Variants in CSMD3 observed in about 807,000 individuals in gnomAD.
The protein encoded by CSMD3 is CUB and sushi domain-containing protein 3.
In CSMD3, 177 loss-of-function variants were observed where a neutral mutation model predicts 435.2. The ratio of observed to expected loss-of-function variants is 0.41; its 90% confidence interval spans 0.36 to 0.46. The LOEUF is 0.46. CSMD3 is among the 20% of genes least tolerant of loss of function. CSMD3 has a pLI of 0.34. For synonymous variants in CSMD3, 1,656 were observed against 1,520.5 expected (o/e 1.09, Z -2.07); for missense variants, 4,265 against 4,504.6 (o/e 0.95, Z 1.52).
At chr8:112,520,265 C>A (rs899411224) in intron 27 of CSMD3, among the ~76,000 whole-genome samples, 1 of 152,042 alleles carries the variant, frequency 6.6e-6, no homozygotes, top group African/African-American at 2.4e-5. Flanking sequence ...ACTTGACTAG[C>A]AGCTCAGTTT....
intron 32 of CSMD3, among the ~76,000 whole-genome samples, chr8:112,439,862 TCC>T (rs75592155): frequency 6.7e-6 from 1 of 150,182 alleles, no homozygotes. Flanking sequence ...TGCCACTAGG[TCC>T]CCCCCCGCCA....
chr8:112,573,704 C>A (rs374220485), intron 23 of CSMD3, 47 bp from the exon 24 acceptor site: 23 of 1,330,936 alleles, frequency 1.7e-5, no homozygotes, highest in East Asian at 5.0e-5. Context: ...CAATAATAAT[C>A]AATTCAGAGC....
intron 3 of CSMD3, among the ~76,000 whole-genome samples, chr8:113,226,422 C>G (rs1030260866): frequency 4.6e-5 from 7 of 151,524 alleles, no homozygotes; most frequent in African/African-American, 1.7e-4. Flanking sequence ...ATACTGCAAT[C>G]CTATCCTTGC....
intron 3 of CSMD3, among the ~76,000 whole-genome samples, chr8:113,212,896 T>C (rs995928105): frequency 7.1e-6 from 1 of 140,750 alleles, no homozygotes; most frequent in African/African-American, 2.8e-5. Flanking sequence ...ATAAAAAATA[T>C]ATATATATAT....
intron 22 of CSMD3, among the ~76,000 whole-genome samples, chr8:112,613,504 A>G (rs1308706268): frequency 6.6e-6 from 1 of 152,198 alleles, no homozygotes; most frequent in Non-Finnish European, 1.5e-5. Context: ...TAATAATCAC[A>G]TAATTTCAAA....
chr8:112,626,776 C>A (rs1438665172), intron 22 of CSMD3, among the ~76,000 whole-genome samples: 1 of 152,078 alleles, frequency 6.6e-6, no homozygotes, highest in African/African-American at 2.4e-5. Flanking sequence ...TCCTGAGAAC[C>A]ACATATGTCA....
intron 5 of CSMD3, among the ~76,000 whole-genome samples, chr8:113,036,875 C>T (rs2087376065): frequency 6.6e-6 from 1 of 152,032 alleles, no homozygotes; most frequent in Non-Finnish European, 1.5e-5. Context: ...CACTTCTTTA[C>T]ATAAAGTCTT....
rs1392783226 is a variant in CSMD3 at position 112,319,991 on chromosome 8, TAAAC to T, written c.7166-14_7166-11del. 2 of 1,591,604 alleles carry T rather than the reference TAAAC, an allele frequency of 1.3e-6. No individual in the cohort carries two copies. Among genetic ancestry groups the T allele is most frequent in the Non-Finnish European group, 1.7e-6 (2 of 1,159,800 alleles). The stretch of plus-strand genomic sequence containing the variant: ...ACCCTTAGTTGATAGGCTACAAAAA[TAAAC>T]AAAGTGTTTATTCCTTTTCTGTGCA... On this transcript the variant is annotated splice_polypyrimidine_tract_variant and intron_variant, in intron 45 of 70. Coordinates refer to ENST00000297405, the MANE Select transcript of CSMD3 (RefSeq NM_198123.2).
intron 5 of CSMD3, among the ~76,000 whole-genome samples, chr8:113,020,983 C>T (rs928758183): frequency 2.6e-5 from 4 of 152,150 alleles, no homozygotes; most frequent in Non-Finnish European, 5.9e-5. Flanking sequence ...TGACCACCTG[C>T]CCATTAAAAT....
intron 2 of CSMD3, among the ~76,000 whole-genome samples, chr8:113,281,429 T>C (rs1195465946): frequency 1.3e-5 from 2 of 151,998 alleles, no homozygotes; most frequent in African/African-American, 4.8e-5. Flanking sequence ...ATGTTCCTCT[T>C]TGTCTCTTTT....
chr8:112,941,313 C>T (rs139505870), intron 9 of CSMD3, among the ~76,000 whole-genome samples: 1 of 151,874 alleles, frequency 6.6e-6, no homozygotes, highest in African/African-American at 2.4e-5. Context: ...TATTTTGAAG[C>T]ATTTTGAATG....
chr8:112,911,096 T>G (rs2082398252), intron 10 of CSMD3, among the ~76,000 whole-genome samples: 1 of 151,832 alleles, frequency 6.6e-6, no homozygotes, highest in Non-Finnish European at 1.5e-5. Context: ...CACTTCTGTT[T>G]CAACTCTTCT....
intron 10 of CSMD3, among the ~76,000 whole-genome samples, chr8:112,873,384 T>C (rs2081189840): frequency 6.6e-6 from 1 of 152,022 alleles, no homozygotes; most frequent in Non-Finnish European, 1.5e-5. Context: ...CATAATGCAC[T>C]TCCAAAAGTT....
intron 1 of CSMD3, among the ~76,000 whole-genome samples, chr8:113,391,808 A>G (rs2094462260): frequency 6.6e-6 from 1 of 152,018 alleles, no homozygotes; most frequent in African/African-American, 2.4e-5. Context: ...AAGGGGATGA[A>G]GAACTAGAGG....
chr8:113,370,592 G>A (rs1401016096), intron 1 of CSMD3, among the ~76,000 whole-genome samples: 1 of 151,724 alleles, frequency 6.6e-6, no homozygotes, highest in Non-Finnish European at 1.5e-5. Flanking sequence ...TATATCCCCT[G>A]CACCCACTCT....
chr8:112,523,742 A>T (rs544630155), intron 27 of CSMD3, among the ~76,000 whole-genome samples: 2 of 152,206 alleles, frequency 1.3e-5, no homozygotes, highest in South Asian at 4.1e-4. Flanking sequence ...CTTGCTTTGT[A>T]CATGATCCAT....
intron 64 of CSMD3, among the ~76,000 whole-genome samples, 157 bp downstream of exon 64, chr8:112,246,863 T>C (rs1814782916): frequency 6.6e-6 from 1 of 152,220 alleles, no homozygotes; most frequent in African/African-American, 2.4e-5. Context: ...GCCATGGGTT[T>C]ATGATACAGT....
chr8:113,224,532 ATC>A (rs756691597), intron 3 of CSMD3, among the ~76,000 whole-genome samples: 3 of 151,292 alleles, frequency 2.0e-5, no homozygotes, highest in African/African-American at 7.3e-5. Flanking sequence ...TATATATAAC[ATC>A]TGTTTGTAGC....
At chr8:112,459,072 G>A (rs1442491202) in intron 32 of CSMD3, among the ~76,000 whole-genome samples, 1 of 151,850 alleles carries the variant, frequency 6.6e-6, no homozygotes, top group Admixed American at 6.6e-5. Context: ...CCATACCTCT[G>A]AAACAACCAC....
Sources: gnomAD v4.1 joint callset for allele counts (sites outside exome capture counted in the v4.1 genomes callset) on GRCh38, gnomAD v4.1.1 for gene constraint, MANE v1.5 for transcripts, NCBI Gene and HGNC (gene_info 2026-07-23, HGNC 2026-07-21) for gene names.